FLVCR2: variants seen among roughly 807,000 people sequenced by gnomAD.
The protein encoded by FLVCR2 is choline/ethanolamine transporter FLVCR2.
Under a neutral mutation model 48.9 loss-of-function variants are expected in FLVCR2, and 38 were observed. The ratio of observed to expected loss-of-function variants is 0.78; its 90% CI spans 0.60 to 1.02. The LOEUF (loss-of-function observed/expected upper bound fraction) is 1.02. Ranked by LOEUF, FLVCR2 falls within the 50% of genes least tolerant of loss-of-function variation. FLVCR2 has a pLI of 0.00. For synonymous variants in FLVCR2, 255 were observed against 257.0 expected (o/e 0.99, Z 0.07); for missense variants, 664 against 663.3 (o/e 1.00, Z -0.01).
At chr14:75,636,148 T>A (rs982819915) in intron 5 of FLVCR2, among the ~76,000 whole-genome samples, 1 of 152,044 alleles carries the variant, frequency 6.6e-6, no homozygotes, top group African/African-American at 2.4e-5. Context: ...CAGAGCAGTG[T>A]CCCCGGCTGC....
At chr14:75,613,669 G>T (rs1374110004) in intron 1 of FLVCR2, among the ~76,000 whole-genome samples, 1 of 152,126 alleles carries the variant, frequency 6.6e-6, no homozygotes, top group African/African-American at 2.4e-5. Context: ...TCCTGCCTCA[G>T]CCTCTCGAGT....
intron 1 of FLVCR2, chr14:75,595,874 C>T (rs987608479): frequency 2.8e-6 from 3 of 1,057,216 alleles, no homozygotes; most frequent in Admixed American, 1.7e-5. Flanking sequence ...TCATTCTGTT[C>T]TTGCGTTCCT....
chr14:75,616,026 C>CAAAAAAAAAAAAA lies in FLVCR2; in HGVS notation c.670-6043_670-6031dup, dbSNP rs10629813. Among the ~76,000 whole-genome samples the CAAAAAAAAAAAAA allele has an allele frequency of 2.2e-3, 57 of 25,624 alleles. 9 individuals are homozygous for CAAAAAAAAAAAAA. The highest frequency in any genetic ancestry group is 2.7e-3 in the Non-Finnish European group (42 of 15,382). The allele number at this position is 25,624 out of a possible 152,430, so 16.8% of individuals were successfully genotyped here. On this transcript the variant is annotated intron_variant, in intron 1 of 9. Transcript: ENST00000238667. ...TGGGTGACAGAGTGAGACTCCATCT[C>CAAAAAAAAAAAAA]AAAAAAAAAAAAAAAAAAAAAATAG...
chr14:75,609,794 C>A (rs1340436400), intron 1 of FLVCR2, among the ~76,000 whole-genome samples: 1 of 152,008 alleles, frequency 6.6e-6, no homozygotes, highest in Non-Finnish European at 1.5e-5. Context: ...CGTGAGCATC[C>A]CTTTTAGGAA....
intron 1 of FLVCR2, among the ~76,000 whole-genome samples, chr14:75,621,332 C>G (rs1594806796): frequency 6.6e-6 from 1 of 151,490 alleles, no homozygotes; most frequent in South Asian, 2.1e-4. Flanking sequence ...TGCTTGAACC[C>G]AGGAGGCGGA....
At chr14:75,603,715 T>TC (rs1473354911) in intron 1 of FLVCR2, among the ~76,000 whole-genome samples, 1 of 152,124 alleles carries the variant, frequency 6.6e-6, no homozygotes, top group South Asian at 2.1e-4. Context: ...TCACAGATAC[T>TC]CCCCCCTTAG....
intron 3 of FLVCR2, among the ~76,000 whole-genome samples, chr14:75,629,917 G>A (rs1889997886): frequency 6.6e-6 from 1 of 152,164 alleles, no homozygotes; most frequent in Admixed American, 6.5e-5. Context: ...CTTTATCATT[G>A]CTCCACCTAC....
intron 1 of FLVCR2, among the ~76,000 whole-genome samples, chr14:75,608,422 G>T (rs936701025): frequency 1.3e-5 from 2 of 152,196 alleles, no homozygotes; most frequent in Admixed American, 6.5e-5. Context: ...GGGGCCTTTT[G>T]CCAGGAGTGG....
intron 1 of FLVCR2, among the ~76,000 whole-genome samples, chr14:75,605,260 T>A (rs1054565817): frequency 6.6e-6 from 1 of 152,206 alleles, no homozygotes; most frequent in Non-Finnish European, 1.5e-5. Context: ...ACCATCACCA[T>A]CACCATAGGG....
chr14:75,609,911 G>A (rs1313268405), intron 1 of FLVCR2, among the ~76,000 whole-genome samples: 1 of 148,440 alleles, frequency 6.7e-6, no homozygotes, highest in Non-Finnish European at 1.5e-5. Context: ...GGATAGATGG[G>A]GGGTTAGTGT....
At chr14:75,619,768 C>T (rs1889716664) in intron 1 of FLVCR2, among the ~76,000 whole-genome samples, 1 of 152,156 alleles carries the variant, frequency 6.6e-6, no homozygotes, top group Admixed American at 6.5e-5. Flanking sequence ...ACTGCTAAGG[C>T]CCACCCATCC....
Position 75,639,480 on chromosome 14 carries a change from C to G in FLVCR2, c.1235+18C>G, listed in dbSNP as rs750136409. ...ACAATGGGGTAAGTTTCACCTCTGG[C>G]TGATTTATTAGAAAATACCATGCCA... On this transcript the variant is annotated intron_variant, in intron 6 of 9. Transcript: ENST00000238667. 1 of 1,521,914 alleles carries G rather than the reference C, an allele frequency of 6.6e-7. No individual in the cohort carries two copies. The highest frequency in any genetic ancestry group is 2.3e-5 in the East Asian group (1 of 44,440). 94.3% of individuals were successfully genotyped at this position (1,521,914 alleles called of 1,614,324 possible).
intron 1 of FLVCR2, among the ~76,000 whole-genome samples, chr14:75,588,422 T>C (rs1005588345): frequency 6.6e-6 from 1 of 152,188 alleles, no homozygotes; most frequent in African/African-American, 2.4e-5. Flanking sequence ...CTCTTAAAGG[T>C]CTCATGTCTC....
intron 3 of FLVCR2, among the ~76,000 whole-genome samples, chr14:75,626,148 T>C (rs535447435): frequency 5.8e-4 from 88 of 152,270 alleles, no homozygotes; most frequent in African/African-American, 2.1e-3. Context: ...CATGCCACCA[T>C]GCCCGGCTAA....
At chr14:75,586,987 G>A (rs1371441287) in intron 1 of FLVCR2, among the ~76,000 whole-genome samples, 1 of 152,048 alleles carries the variant, frequency 6.6e-6, no homozygotes, top group East Asian at 1.9e-4. Context: ...TCAGCTAGAG[G>A]ATTTATTTTC....
At chr14:75,601,958 A>G (rs757375736) in intron 1 of FLVCR2, among the ~76,000 whole-genome samples, 11 of 152,230 alleles carry the variant, frequency 7.2e-5, no homozygotes, top group East Asian at 3.8e-4. Flanking sequence ...TTGATTTGCT[A>G]TAACAACTCA....
chr14:75,627,747 C>G (rs1453090641), intron 3 of FLVCR2, among the ~76,000 whole-genome samples: 5 of 152,226 alleles, frequency 3.3e-5, no homozygotes, highest in African/African-American at 1.2e-4. Context: ...AACATTGTAG[C>G]TGCCTGCAGT....
chr14:75,632,884 A>G (rs1453693557), intron 3 of FLVCR2: 2 of 702,378 alleles, frequency 2.8e-6, no homozygotes, highest in Non-Finnish European at 5.2e-6. Context: ...ATCCATAGGT[A>G]TGTGCAGCCG....
At chr14:75,605,747 C>G in intron 1 of FLVCR2, 2 of 953,882 alleles carry the variant, frequency 2.1e-6, no homozygotes, top group Non-Finnish European at 1.6e-6. Flanking sequence ...GAGTTGAACA[C>G]AAGTATTTTT....
Sources: gnomAD v4.1 joint callset for allele counts (sites outside exome capture counted in the v4.1 genomes callset) on GRCh38, gnomAD v4.1.1 for gene constraint, MANE v1.5 for transcripts, NCBI Gene and HGNC (gene_info 2026-07-23, HGNC 2026-07-21) for gene names.